Variants in CDH13 observed in about 807,000 individuals in gnomAD.
The protein encoded by CDH13 is cadherin 13.
In CDH13, 24 loss-of-function variants were observed where a neutral mutation model predicts 63.8. That is an observed-to-expected ratio of 0.38 (90% confidence interval 0.27 to 0.53). CDH13 has a LOEUF of 0.53. Ranked by LOEUF, CDH13 falls within the 20% of genes least tolerant of loss-of-function variation. CDH13 has a pLI of 0.85. For missense variants in CDH13, 1,049 were observed against 903.1 expected, an observed-to-expected ratio of 1.16 and a Z score of -2.07; for synonymous variants, 503 against 355.3, an observed-to-expected ratio of 1.42 and a Z score of -4.67.
Position 83,082,008 on chromosome 16 carries a change from C to G in CDH13, c.367-43377C>G, listed in dbSNP as rs111239012. Reference sequence around the variant, plus strand: ...AGAGACGGGGTTTCTTCATGTTGGTCAGGCTGGTCTCGAACTCCCAACCTC... The same window carrying G: ...AGAGACGGGGTTTCTTCATGTTGGTGAGGCTGGTCTCGAACTCCCAACCTC... On this transcript the variant is annotated intron_variant, in intron 3 of 13. Transcript: ENST00000567109. 4.6e-4 allele frequency among the ~76,000 whole-genome samples: 70 copies of G among 152,244 alleles called. No homozygotes were observed. In the East Asian group the frequency reaches 0.013, roughly 28 times the overall value.
chr16:82,975,030 C>T (rs1194368633), intron 2 of CDH13, among the ~76,000 whole-genome samples: 2 of 152,210 alleles, frequency 1.3e-5, no homozygotes, highest in South Asian at 2.1e-4. Context: ...CACATGAAGT[C>T]CTCACGTCTG....
intron 8 of CDH13, among the ~76,000 whole-genome samples, chr16:83,647,929 T>C (rs758861370): frequency 2.6e-5 from 4 of 152,162 alleles, no homozygotes; most frequent in Non-Finnish European, 5.9e-5. Context: ...TAAGCACACA[T>C]GCAAGATGCA....
intron 4 of CDH13, among the ~76,000 whole-genome samples, chr16:83,190,609 C>T (rs1336259216): frequency 6.6e-6 from 1 of 152,064 alleles, no homozygotes; most frequent in Non-Finnish European, 1.5e-5. Flanking sequence ...ATGGGTCTTC[C>T]TAAATTATAG....
At chr16:82,685,221 C>G (rs1914942011) in intron 1 of CDH13, among the ~76,000 whole-genome samples, 3 of 152,196 alleles carry the variant, frequency 2.0e-5, no homozygotes, top group Non-Finnish European at 4.4e-5. Flanking sequence ...AATGAATGCT[C>G]ATTTCACAGT....
intron 7 of CDH13, among the ~76,000 whole-genome samples, chr16:83,491,473 A>G (rs2074009812): frequency 6.6e-6 from 1 of 152,212 alleles, no homozygotes; most frequent in Non-Finnish European, 1.5e-5. Flanking sequence ...TTAGTTGATC[A>G]TCTTGGCTGC....
intron 2 of CDH13, among the ~76,000 whole-genome samples, chr16:82,912,056 AC>A (rs1175880992): frequency 6.6e-6 from 1 of 151,418 alleles, no homozygotes; most frequent in African/African-American, 2.4e-5. Flanking sequence ...CTCTAATTCC[AC>A]GGCCGCCCCT....
chr16:83,386,725 C>G (rs1056004796), intron 6 of CDH13, among the ~76,000 whole-genome samples: 1 of 152,172 alleles, frequency 6.6e-6, no homozygotes, highest in Admixed American at 6.5e-5. Context: ...ATAAGAAAAT[C>G]TAACCATGGT....
At chr16:82,651,401 T>G (rs896676131) in intron 1 of CDH13, among the ~76,000 whole-genome samples, 34 of 152,196 alleles carry the variant, frequency 2.2e-4, no homozygotes, top group Non-Finnish European at 7.3e-5. Flanking sequence ...GGAAAGACAT[T>G]TTGCAGTTAA....
At chr16:83,026,389 C>T (rs1352952925) in intron 2 of CDH13, among the ~76,000 whole-genome samples, 2 of 152,188 alleles carry the variant, frequency 1.3e-5, no homozygotes, top group African/African-American at 2.4e-5. Context: ...CTCTGAGACT[C>T]AGTCTCTTCT....
chr16:83,754,293 C>T (rs1021269151), intron 11 of CDH13, among the ~76,000 whole-genome samples: 2 of 152,122 alleles, frequency 1.3e-5, no homozygotes, highest in East Asian at 1.9e-4. Flanking sequence ...AAGATGGTAA[C>T]CACTGAAGGG....
chr16:83,183,972 C>A (rs1456715770), intron 4 of CDH13, among the ~76,000 whole-genome samples: 1 of 151,994 alleles, frequency 6.6e-6, no homozygotes, highest in African/African-American at 2.4e-5. Context: ...CTCTAAGGCA[C>A]CCCCGTTTCT....
chr16:83,104,030 T>C (rs1388749070), intron 3 of CDH13, among the ~76,000 whole-genome samples: 1 of 152,252 alleles, frequency 6.6e-6, no homozygotes, highest in East Asian at 1.9e-4. Context: ...TATAAAATAG[T>C]TGCTGTATTT....
chr16:83,059,793 G>GTTTTTTTTTTTTTTTTT (rs66521965), intron 3 of CDH13, among the ~76,000 whole-genome samples: 7 of 113,100 alleles, frequency 6.2e-5, no homozygotes, highest in Non-Finnish European at 1.3e-4. Context: ...TTTTTTGTTT[G>GTTTTTTTTTTTTTTTTT]TTTTTTTTTT....
intron 7 of CDH13, among the ~76,000 whole-genome samples, chr16:83,556,570 A>G (rs547605923): frequency 6.6e-6 from 1 of 152,336 alleles, no homozygotes; most frequent in Non-Finnish European, 1.5e-5. Context: ...TCACAAAGCC[A>G]TTAAGTGGTT....
chr16:82,752,319 G>A (rs1351357811), intron 1 of CDH13, among the ~76,000 whole-genome samples: 3 of 152,198 alleles, frequency 2.0e-5, no homozygotes, highest in Admixed American at 6.5e-5. Context: ...GATGGATAGA[G>A]AGCGGCGTGC....
chr16:82,979,947 A>G (rs1910040507), intron 2 of CDH13, among the ~76,000 whole-genome samples: 1 of 152,210 alleles, frequency 6.6e-6, no homozygotes, highest in Non-Finnish European at 1.5e-5. Context: ...TGTTTAAGTA[A>G]GATTTGCAGC....
chr16:83,101,048 C>G (rs1487769106), intron 3 of CDH13, among the ~76,000 whole-genome samples: 3 of 151,992 alleles, frequency 2.0e-5, no homozygotes, highest in Non-Finnish European at 4.4e-5. Flanking sequence ...AATTATTTGT[C>G]AAATATTGAT....
Position 83,795,118 on chromosome 16 carries a change from C to T in CDH13, c.*88C>T. On this transcript the variant is annotated 3_prime_UTR_variant, in exon 14 of 14. Transcript: ENST00000567109. The stretch of plus-strand genomic sequence containing the variant: ...ATCCAAATCTGAAGATTGCGGTTTA[C>T]AGCTATCGAACTTCACAACTAGGCC... 1.7e-6 allele frequency: 2 copies of T among 1,205,046 alleles called. No homozygotes were observed. The highest frequency in any genetic ancestry group is 2.3e-6 in the Non-Finnish European group (2 of 853,104). 74.6% of individuals were successfully genotyped at this position (1,205,046 alleles called of 1,614,324 possible).
At chr16:83,000,232 T>A (rs1177692200) in intron 2 of CDH13, among the ~76,000 whole-genome samples, 5 of 82,922 alleles carry the variant, frequency 6.0e-5, no homozygotes, top group East Asian at 2.8e-4. Context: ...TATTTTTTTT[T>A]TTTTTTTTTT....
Sources: gnomAD v4.1 joint callset for allele counts (sites outside exome capture counted in the v4.1 genomes callset) on GRCh38, gnomAD v4.1.1 for gene constraint, MANE v1.5 for transcripts, NCBI Gene and HGNC (gene_info 2026-07-23, HGNC 2026-07-21) for gene names.